Variants in GRK5 observed in about 807,000 individuals in gnomAD.
GRK5 encodes the protein G protein-coupled receptor kinase 5.
Under a neutral mutation model 78.4 loss-of-function variants are expected in GRK5, and 40 were observed. That is an observed-to-expected ratio of 0.51 (90% CI 0.40 to 0.66). The LOEUF (loss-of-function observed/expected upper bound fraction) is 0.66. Ranked by LOEUF, GRK5 falls within the 30% of genes least tolerant of loss-of-function variation. The pLI is 0.00. For missense variants in GRK5, 598 were observed against 759.9 expected, an observed-to-expected ratio of 0.79 and a Z score of 2.50; for synonymous variants, 289 against 296.8, an observed-to-expected ratio of 0.97 and a Z score of 0.27.
chr10:119,228,348 AAAAAC>A (rs556171215), intron 1 of GRK5, among the ~76,000 whole-genome samples: 2 of 148,518 alleles, frequency 1.3e-5, no homozygotes, highest in African/African-American at 2.5e-5. Context: ...CTGTCTCAAA[AAAAAC>A]AAAACAAAAC....
intron 3 of GRK5, among the ~76,000 whole-genome samples, chr10:119,388,377 C>T (rs1481944097): frequency 6.6e-6 from 1 of 152,188 alleles, no homozygotes; most frequent in Non-Finnish European, 1.5e-5. Context: ...CACTCTTTTG[C>T]CCAGGCTGCA....
chr10:119,254,036 C>G (rs1274827767), intron 1 of GRK5, among the ~76,000 whole-genome samples: 1 of 152,226 alleles, frequency 6.6e-6, no homozygotes, highest in East Asian at 1.9e-4. Context: ...TGTGTCTCCT[C>G]TGACTTTGCC....
At chr10:119,444,967 A>G (rs1159155157) in intron 12 of GRK5, among the ~76,000 whole-genome samples, 2 of 152,020 alleles carry the variant, frequency 1.3e-5, no homozygotes, top group African/African-American at 2.4e-5. Context: ...TCGGCTCCTC[A>G]CCCCAGAGGC....
At chr10:119,326,098 A>C (rs983126836) in intron 1 of GRK5, among the ~76,000 whole-genome samples, 16 of 152,382 alleles carry the variant, frequency 1.0e-4, no homozygotes, top group Middle Eastern at 3.4e-3. Flanking sequence ...GCAAGAGGAC[A>C]AAACGAGGGC....
At chr10:119,373,794 C>T (rs903853653) in intron 2 of GRK5, among the ~76,000 whole-genome samples, 1 of 152,144 alleles carries the variant, frequency 6.6e-6, no homozygotes, top group Non-Finnish European at 1.5e-5. Context: ...TTGCTCGACA[C>T]GGGGTTGCCA....
At chr10:119,375,270 C>A (rs1851605199) in intron 2 of GRK5, among the ~76,000 whole-genome samples, 2 of 152,162 alleles carry the variant, frequency 1.3e-5, no homozygotes, top group Admixed American at 1.3e-4. Flanking sequence ...GGTTTCACCT[C>A]CCCACTGTAG....
chr10:119,293,999 G>A (rs1464974424), intron 1 of GRK5, among the ~76,000 whole-genome samples: 1 of 152,078 alleles, frequency 6.6e-6, no homozygotes, highest in Non-Finnish European at 1.5e-5. Flanking sequence ...CCCCACCTCT[G>A]CTTTGTGGAG....
intron 2 of GRK5, among the ~76,000 whole-genome samples, chr10:119,353,923 TTTTTCTTTC>T (rs1851221834): frequency 7.2e-6 from 1 of 138,178 alleles, no homozygotes; most frequent in African/African-American, 2.6e-5. Flanking sequence ...GGCAATCCAT[TTTTTCTTTC>T]TTTTTTTTTT....
chr10:119,443,696 A>G lies in GRK5; in HGVS notation c.1210A>G (p.Thr404Ala). Reference protein sequence around the residue: ...REEVDRRVLETEEVYSHKFSE... With the variant: ...REEVDRRVLEAEEVYSHKFSE... ...GGAGGTGGACCGCCGGGTCCTGGAGACGGAGGAGGTGTACTCCCACAAGTT... is the reference window on the plus strand; with the variant it reads ...GGAGGTGGACCGCCGGGTCCTGGAGGCGGAGGAGGTGTACTCCCACAAGTT... The change falls in exon 12 of 16, where the codon ACG (threonine) becomes GCG (alanine). Residue 404 changes from threonine to alanine, a missense_variant. By Grantham distance (58) the Thr-to-Ala change is moderately conservative. Transcript: ENST00000392870. 6.2e-7 allele frequency: 1 copy of G among 1,613,078 alleles called. No homozygotes were observed. The highest frequency in any genetic ancestry group is 8.5e-7 in the Non-Finnish European group (1 of 1,179,478).
rs569405167 is a variant in GRK5, at chr10:119,298,934, C to T, written c.53-27582C>T. Among the ~76,000 whole-genome samples, 41 of 152,280 alleles carry T rather than the reference C, an allele frequency of 2.7e-4. No individual in the cohort carries two copies. In the South Asian group the frequency reaches 3.7e-3, roughly 14 times the overall value. On this transcript the variant is annotated intron_variant, in intron 1 of 15. Coordinates refer to ENST00000392870, the MANE Select transcript of GRK5 (RefSeq NM_005308.3). Reference sequence around the variant, plus strand: ...CCCTGACTCTCCCTGCAGACTTTCCCCATGCTCCCTGCGGTGTGCACATTC... The same window carrying T: ...CCCTGACTCTCCCTGCAGACTTTCCTCATGCTCCCTGCGGTGTGCACATTC...
chr10:119,331,880 T>C (rs1464180585), intron 2 of GRK5, among the ~76,000 whole-genome samples: 1 of 152,146 alleles, frequency 6.6e-6, no homozygotes, highest in Non-Finnish European at 1.5e-5. Context: ...AAACCCAGAC[T>C]CCTTACTGTG....
chr10:119,438,345 G>A lies in GRK5; in HGVS notation c.930-1386G>A, dbSNP rs529246285. ...AAGAAATCCAAACCCTTCAAACTGC[G>A]GACAGGAGGGAACCCCCTGCTCGGT... On this transcript the variant is annotated intron_variant, in intron 9 of 15. Coordinates refer to ENST00000392870, the MANE Select transcript of GRK5 (RefSeq NM_005308.3). Among the ~76,000 whole-genome samples the A allele has an allele frequency of 5.4e-4, 82 of 152,214 alleles. 3 individuals carry two copies. In the South Asian group the frequency reaches 0.016, roughly 29 times the overall value.
At position 119,442,108 on chromosome 10, in the gene GRK5, T is replaced by C. The variant is rs1589812926; in HGVS notation, c.1057+20T>C. 1.2e-6 allele frequency: 2 copies of C among 1,606,862 alleles called. No individual in the cohort carries two copies. The highest frequency in any genetic ancestry group is 1.7e-6 in the Non-Finnish European group (2 of 1,173,654). ...ACATGGGTGAGTGCTGGGCTGCCTG[T>C]GTCAATGCACCTTGAGACCCACCAC... On this transcript the variant is annotated intron_variant, in intron 11 of 15. Coordinates refer to ENST00000392870, the MANE Select transcript of GRK5 (RefSeq NM_005308.3).
chr10:119,397,158 G>A (rs1852068823), intron 4 of GRK5, among the ~76,000 whole-genome samples: 1 of 152,360 alleles, frequency 6.6e-6, no homozygotes, highest in South Asian at 2.1e-4. Context: ...TGGAGGGGAA[G>A]TGTTGGGGGT....
chr10:119,234,572 A>G (rs547099582), intron 1 of GRK5, among the ~76,000 whole-genome samples: 1 of 152,304 alleles, frequency 6.6e-6, no homozygotes, highest in East Asian at 1.9e-4. Context: ...TTAATTTGGA[A>G]GCCAAGAATG....
chr10:119,269,417 G>A (rs1199772348), intron 1 of GRK5, among the ~76,000 whole-genome samples: 3 of 152,172 alleles, frequency 2.0e-5, no homozygotes, highest in Admixed American at 6.5e-5. Context: ...TCCTGGGGTA[G>A]CAGCACCCGT....
At chr10:119,293,455 G>A (rs1347581901) in intron 1 of GRK5, among the ~76,000 whole-genome samples, 1 of 152,218 alleles carries the variant, frequency 6.6e-6, no homozygotes, top group Admixed American at 6.5e-5. Flanking sequence ...GGGGTATACA[G>A]CAAGCACTCT....
chr10:119,351,874 C>T (rs1261442291), intron 2 of GRK5, among the ~76,000 whole-genome samples: 2 of 152,184 alleles, frequency 1.3e-5, no homozygotes, highest in African/African-American at 4.8e-5. Flanking sequence ...CATCCAAGGT[C>T]ACATGACTAG....
chr10:119,311,353 T>C (rs867036764), intron 1 of GRK5, among the ~76,000 whole-genome samples: 3 of 151,796 alleles, frequency 2.0e-5, no homozygotes, highest in Admixed American at 1.3e-4. Context: ...CAGGAAGCAA[T>C]GAGCAGAATA....
Sources: allele counts gnomAD v4.1 joint callset (sites outside exome capture counted in the v4.1 genomes callset), GRCh38; gene constraint gnomAD v4.1.1; transcripts MANE v1.5; gene names NCBI Gene and HGNC (gene_info 2026-07-23, HGNC 2026-07-21).